PRRC2B: variants seen among roughly 807,000 people sequenced by gnomAD.
PRRC2B encodes the protein proline rich coiled-coil 2B, also known as protein PRRC2B.
A neutral mutation model predicts 242.3 loss-of-function variants in PRRC2B; 68 were observed. That is an observed-to-expected ratio of 0.28 (90% CI 0.23 to 0.34). The LOEUF (loss-of-function observed/expected upper bound fraction) is 0.34. Among genes scored for constraint, PRRC2B ranks in the 10% least tolerant of loss-of-function variants. The pLI is 1.00. For missense variants in PRRC2B, 2,835 were observed against 2,954.8 expected (o/e 0.96, Z 0.94); for synonymous variants, 1,228 against 1,173.6 (o/e 1.05, Z -0.95).
Position 131,475,621 on chromosome 9 carries a change from G to A in PRRC2B, c.3492G>A (p.Arg1164=), listed in dbSNP as rs772528428. The change falls in exon 16 of 32, where the codon AGG becomes AGA. Residue 1164 remains arginine (R), a synonymous_variant. Transcript: ENST00000683519. ...GGAATGAAGGCTCGCTCCTGGAGAG[G>A]GAGGAGAGCACCTTGAAGAAGGGCG... ...ENGNEGSLLE[R]EESTLKKGDC... is the part of the protein sequence containing the mutation. 2.5e-6 allele frequency: 4 copies of A among 1,612,082 alleles called. No homozygotes were observed. In the African/African-American group the frequency reaches 4.0e-5, roughly 16 times the overall value.
chr9:131,437,885 G>A (rs1244907195), intron 4 of PRRC2B, among the ~76,000 whole-genome samples: 1 of 152,206 alleles, frequency 6.6e-6, no homozygotes, highest in African/African-American at 2.4e-5. Flanking sequence ...TGCCTCTGAA[G>A]CCTGTTCAAG....
rs1377808817 is a variant in PRRC2B, at chr9:131,467,746, A to T, written c.1904A>T (p.Gln635Leu). 6.2e-7 allele frequency: 1 copy of T among 1,613,860 alleles called. No homozygotes were observed. Among genetic ancestry groups the T allele is most frequent in the Non-Finnish European group, 8.5e-7 (1 of 1,179,872 alleles). The change falls in exon 13 of 32, where the codon CAA (glutamine) becomes CTA (leucine). Residue 635 changes from glutamine to leucine, a missense_variant. Gln to Leu is a moderately radical substitution (Grantham distance 113, BLOSUM62 -2). Transcript: ENST00000683519. ...CGATTCCAGCGCCAGCAGCAGCAAC[A>T]ACAGCAGGTAAACAGATGAGATGGT... The part of the protein sequence containing the change: ...PPRFQRQQQQ[Q>L]QQEQLYKMQH...
At chr9:131,387,878 G>T (rs1156392048) in intron 1 of PRRC2B, among the ~76,000 whole-genome samples, 1 of 150,848 alleles carries the variant, frequency 6.6e-6, no homozygotes, top group Non-Finnish European at 1.5e-5. Flanking sequence ...TAATATTTTT[G>T]ATATAGTAGG....
intron 1 of PRRC2B, among the ~76,000 whole-genome samples, chr9:131,374,489 G>C (rs1380948109): frequency 2.6e-5 from 4 of 151,978 alleles, no homozygotes; most frequent in Non-Finnish European, 4.4e-5. Context: ...GCATCAGTCT[G>C]TATAATGCAT....
intron 1 of PRRC2B, among the ~76,000 whole-genome samples, chr9:131,415,882 G>A (rs149582359): frequency 5.9e-5 from 9 of 151,910 alleles, no homozygotes; most frequent in African/African-American, 2.2e-4. Context: ...TTGAAGTCTC[G>A]GCTACTTGGC....
intron 12 of PRRC2B, among the ~76,000 whole-genome samples, chr9:131,465,384 T>C (rs757719167): frequency 6.6e-6 from 1 of 152,208 alleles, no homozygotes; most frequent in Non-Finnish European, 1.5e-5. Flanking sequence ...AGGTAGTTTT[T>C]CAGCCCTTTT....
intron 1 of PRRC2B, among the ~76,000 whole-genome samples, chr9:131,379,608 T>A (rs1428295481): frequency 1.3e-5 from 2 of 151,326 alleles, no homozygotes; most frequent in Non-Finnish European, 2.9e-5. Flanking sequence ...GAAATACCTA[T>A]TCAAGTCCTT....
chr9:131,495,124 C>G (rs1022465608), intron 31 of PRRC2B, among the ~76,000 whole-genome samples: 9 of 152,122 alleles, frequency 5.9e-5, no homozygotes, highest in Non-Finnish European at 1.2e-4. Flanking sequence ...AAGCTTTCTT[C>G]CAGAGTTCAG....
In PRRC2B at chr9:131,495,772, G is replaced by A; in HGVS notation, c.6588G>A (p.Leu2196=). The A allele has an allele frequency of 6.2e-7, 1 of 1,612,776 alleles. No individual in the cohort carries two copies. Among genetic ancestry groups the A allele is most frequent in the East Asian group, 2.2e-5 (1 of 44,834 alleles). Residue 2196 remains leucine (L), a synonymous_variant, in exon 32 of 32, where the codon CTG becomes CTA. Coordinates refer to ENST00000683519, the MANE Select transcript of PRRC2B (RefSeq NM_013318.4). The part of the protein sequence containing the change: ...AKQRVDEKPS[L]GAVKLQEAPS... ...AACGAGTGGATGAGAAACCCAGCCT[G>A]GGAGCCGTGAAGCTGCAGGAGGCCC...
rs1353268759 is a variant in PRRC2B, at chr9:131,474,577, T to C, written c.2448T>C (p.Phe816=). 1 of 1,613,964 alleles carries C rather than the reference T, an allele frequency of 6.2e-7. No homozygotes were observed. Among genetic ancestry groups the C allele is most frequent in the South Asian group, 1.1e-5 (1 of 91,082 alleles). ...TTGACAAGAAGGCCCAAGCAGACTT[T>C]GACAGCTGTATCTCTTCTCAAAGAA... The part of the protein sequence containing the change: ...SAFDKKAQAD[F]DSCISSQRIG... Residue 816 remains phenylalanine (F), a synonymous_variant, in exon 16 of 32, where the codon TTT becomes TTC. Transcript: ENST00000683519.
At chr9:131,386,456 C>T (rs1418088044) in intron 1 of PRRC2B, among the ~76,000 whole-genome samples, 1 of 150,156 alleles carries the variant, frequency 6.7e-6, no homozygotes, top group Non-Finnish European at 1.5e-5. Context: ...TGCAGCAGCT[C>T]CCACTGTCCC....
chr9:131,472,229 G>A (rs1290899837), intron 14 of PRRC2B, among the ~76,000 whole-genome samples: 1 of 152,144 alleles, frequency 6.6e-6, no homozygotes, highest in Admixed American at 6.5e-5. Context: ...TACAAGATGT[G>A]TATAGCTTTA....
At chr9:131,395,606 C>T (rs1469902686) in intron 1 of PRRC2B, among the ~76,000 whole-genome samples, 1 of 152,166 alleles carries the variant, frequency 6.6e-6, no homozygotes, top group African/African-American at 2.4e-5. Context: ...AGTGGTTCCT[C>T]CTACGGTTGT....
chr9:131,409,195 T>A (rs1837443126), intron 1 of PRRC2B, among the ~76,000 whole-genome samples: 1 of 152,030 alleles, frequency 6.6e-6, no homozygotes, highest in African/African-American at 2.4e-5. Flanking sequence ...GCTAATTTTG[T>A]ATTTTTAATA....
chr9:131,384,718 TA>T (rs1189560076), intron 1 of PRRC2B, among the ~76,000 whole-genome samples: 1 of 151,272 alleles, frequency 6.6e-6, no homozygotes, highest in African/African-American at 2.4e-5. Context: ...GCGCCTGGCT[TA>T]ATTTTGCACT....
At chr9:131,420,494 T>TTTCTTTCTTTCTTTCTC (rs1554758631) in intron 1 of PRRC2B, among the ~76,000 whole-genome samples, 1 of 10,050 alleles carries the variant, frequency 1.0e-4, no homozygotes. Context: ...TCTTTCTTTC[T>TTTCTTTCTTTCTTTCTC]TTTTTTTTTT....
At chr9:131,420,499 T>TCTTTCTTTCTTTCTTTCCTTC (rs889470295) in intron 1 of PRRC2B, among the ~76,000 whole-genome samples, 1 of 84,494 alleles carries the variant, frequency 1.2e-5, no homozygotes, top group Non-Finnish European at 2.5e-5. Flanking sequence ...CTTTCTTTTT[T>TCTTTCTTTCTTTCTTTCCTTC]TTTTTTTTTT....
At chr9:131,461,976 A>C (rs1379332468) in intron 11 of PRRC2B, among the ~76,000 whole-genome samples, 3 of 152,238 alleles carry the variant, frequency 2.0e-5, no homozygotes, top group Non-Finnish European at 4.4e-5. Context: ...CAAAATAGAC[A>C]CAATGCCACT....
At chr9:131,412,237 C>G (rs1341928585) in intron 1 of PRRC2B, among the ~76,000 whole-genome samples, 1 of 152,194 alleles carries the variant, frequency 6.6e-6, no homozygotes. Context: ...TTTGTACTTT[C>G]ATTGTGGGTG....
Sources: allele counts gnomAD v4.1 joint callset (sites outside exome capture counted in the v4.1 genomes callset), GRCh38; gene constraint gnomAD v4.1.1; transcripts MANE v1.5; gene names NCBI Gene and HGNC (gene_info 2026-07-23, HGNC 2026-07-21).